Variants in TNFRSF14 observed in about 807,000 individuals in gnomAD.
The protein encoded by TNFRSF14 is TNF receptor superfamily member 14.
A neutral mutation model predicts 34.1 loss-of-function variants in TNFRSF14; 18 were observed. The observed-to-expected ratio is 0.53, with a 90% CI of 0.36 to 0.78. TNFRSF14 has a LOEUF of 0.78. Among genes scored for constraint, TNFRSF14 ranks in the 30% least tolerant of loss-of-function variants. TNFRSF14 has a pLI of 0.00. For synonymous variants in TNFRSF14, 157 were observed against 153.2 expected, an observed-to-expected ratio of 1.02 and a Z score of -0.18; for missense variants, 352 against 379.5, an observed-to-expected ratio of 0.93 and a Z score of 0.60.
In TNFRSF14 at chr1:2,557,782, C is replaced by A; in HGVS notation, c.126C>A (p.Cys42Ter). ...APCYAPALPS[C>*]KEDEYPVGSE... ...GCTACGCCCCAGCTCTGCCGTCCTG[C>A]AAGGAGGACGAGTACCCAGTGGGCT... The change falls in exon 2 of 8, where the codon TGC becomes TGA. Residue 42 changes from cysteine (C) to a stop codon, truncating the protein, a stop_gained. Transcript: ENST00000355716. LOFTEE classifies it high-confidence loss of function. The A allele has an allele frequency of 6.2e-7, 1 of 1,611,964 alleles. No individual in the cohort carries two copies. Among genetic ancestry groups the A allele is most frequent in the Non-Finnish European group, 8.5e-7 (1 of 1,179,148 alleles).
At chr1:2,560,582 C>T (rs2100855712) in intron 4 of TNFRSF14, 42 bp from the exon 5 acceptor site, 2 of 1,528,608 alleles carry the variant, frequency 1.3e-6, no homozygotes, top group Non-Finnish European at 1.8e-6. Flanking sequence ...CCCCTCCTGG[C>T]CTGGTGCCCT....
At chr1:2,557,659 G>A (rs1023272941) in intron 1 of TNFRSF14, 67 bp from the exon 2 acceptor site, 10 of 1,265,302 alleles carry the variant, frequency 7.9e-6, no homozygotes, top group Non-Finnish European at 1.1e-5. Context: ...TCAGGCTGTG[G>A]GGCCAAGCCT....
At chr1:2,560,122 C>T (rs1644286110) in intron 4 of TNFRSF14, 144 bp downstream of exon 4, 7 of 1,286,194 alleles carry the variant, frequency 5.4e-6, no homozygotes, top group Non-Finnish European at 7.3e-6. Context: ...GGCCCACCCA[C>T]TTCAGCCCTG....
chr1:2,562,438 C>A (rs994272424), intron 6 of TNFRSF14: 1 of 273,330 alleles, frequency 3.7e-6, no homozygotes, highest in Non-Finnish European at 7.0e-6. Flanking sequence ...GATCCTCACC[C>A]GGGGCCTCCA....
In TNFRSF14 at chr1:2,560,714, A is replaced by C; in HGVS notation, c.551A>C (p.Lys184Thr). ...GTLEECQHQTKCSWLVTKAGA... is the reference protein window; with the variant it reads ...GTLEECQHQTTCSWLVTKAGA... ...CTGGAGGAATGTCAGCACCAGACCAAGTAAGTGAACCCGGGGGAGGCCCAG... is the reference window on the plus strand; with the variant it reads ...CTGGAGGAATGTCAGCACCAGACCACGTAAGTGAACCCGGGGGAGGCCCAG... The change falls in exon 5 of 8, where the codon AAG becomes ACG. Residue 184 changes from lysine to threonine, a missense_variant and splice_region_variant. Transcript: ENST00000355716. 6.2e-7 allele frequency: 1 copy of C among 1,613,128 alleles called. No homozygotes were observed. Among genetic ancestry groups the C allele is most frequent in the South Asian group, 1.1e-5 (1 of 91,076 alleles).
chr1:2,558,836 G>T, intron 3 of TNFRSF14: 1 of 1,324,652 alleles, frequency 7.5e-7, no homozygotes, highest in Non-Finnish European at 9.8e-7. Flanking sequence ...CCGGCACTCG[G>T]GCCTGCTGCT....
rs765603281 is a variant in TNFRSF14, at chr1:2,556,663, G to A, written c.-2G>A. 4 of 1,609,908 alleles carry A rather than the reference G, an allele frequency of 2.5e-6. No individual in the cohort carries two copies. The highest frequency in any genetic ancestry group is 1.7e-6 in the Non-Finnish European group (2 of 1,178,060). ...CCCGAGCTGCCGGTCTGAGCCTGAG[G>A]CATGGAGCCTCCTGGAGACTGGGGG... On this transcript the variant is annotated 5_prime_UTR_variant, in exon 1 of 8. Transcript: ENST00000355716.
At chr1:2,559,670 C>G in intron 3 of TNFRSF14, 153 bp from the exon 4 acceptor site, 1 of 1,535,336 alleles carries the variant, frequency 6.5e-7, no homozygotes, top group Non-Finnish European at 8.7e-7. Context: ...GTCCTCCATG[C>G]TGGGTACCTC....
chr1:2,557,641 AG>A, intron 1 of TNFRSF14, 84 bp from the exon 2 acceptor site: 1 of 1,028,258 alleles, frequency 9.7e-7, no homozygotes, highest in Non-Finnish European at 1.4e-6. Context: ...CATTGCACAG[AG>A]GGAGATTCAG....
chr1:2,558,835 G>C, intron 3 of TNFRSF14: 1 of 1,320,998 alleles, frequency 7.6e-7, no homozygotes, highest in South Asian at 1.4e-5. Flanking sequence ...GCCGGCACTC[G>C]GGCCTGCTGC....
At position 2,563,790 on chromosome 1, in the gene TNFRSF14, G is replaced by C. The variant is rs1644347296; in HGVS notation, c.*517G>C. On this transcript the variant is annotated 3_prime_UTR_variant, in exon 8 of 8. Transcript: ENST00000355716. Reference sequence around the variant, plus strand: ...TGTCATGAAACAGTGTATTTGGGGAGATGCTGTGGGAGGATGTAAATATCT... The same window carrying C: ...TGTCATGAAACAGTGTATTTGGGGACATGCTGTGGGAGGATGTAAATATCT... 1.3e-5 allele frequency: 3 copies of C among 234,556 alleles called. No homozygotes were observed. Among genetic ancestry groups the C allele is most frequent in the Non-Finnish European group, 2.5e-5 (3 of 118,772 alleles). 14.5% of individuals were successfully genotyped at this position (234,556 alleles called of 1,614,324 possible).
chr1:2,560,058 C>T (rs1336865111), intron 4 of TNFRSF14, 80 bp downstream of exon 4: 12 of 1,453,126 alleles, frequency 8.3e-6, no homozygotes, highest in Middle Eastern at 2.2e-4. Flanking sequence ...CAGGTTTCCT[C>T]GACGGCATGG....
rs2234153 is a variant in TNFRSF14 at position 2,556,444 on chromosome 1, C to T, written c.-221C>T. ...AGGGCCCACCTGTGTCCCCCAGCGC[C>T]GCTCCACCCAGCAGGCCTGAGCCCC... is the stretch of plus-strand genomic sequence containing the variant. On this transcript the variant is annotated 5_prime_UTR_variant, in exon 1 of 8. Transcript: ENST00000355716. The T allele has an allele frequency of 4.7e-3, 3,257 of 699,404 alleles. 62 individuals carry two copies. In the African/African-American group the frequency reaches 0.05, roughly 11 times the overall value. The allele number at this position is 699,404 out of a possible 1,614,324, so 43.3% of individuals were successfully genotyped here. A position where few individuals can be genotyped will look rare whatever the true frequency, so the allele number is the denominator to read the frequency against.
upstream of TNFRSF14, chr1:2,554,440 G>A (rs1015137371): frequency 4.6e-5 from 7 of 152,816 alleles, no homozygotes; most frequent in Admixed American, 3.3e-4. This position sits in a 1 kb window ranked among gnomAD's most constrained non-coding sequence, Gnocchi z 4.2. Context: ...GCAGGCCACA[G>A]AGAAGGGAGA....
At chr1:2,556,910 A>C in intron 1 of TNFRSF14, 177 bp downstream of exon 1, 1 of 616,746 alleles carries the variant, frequency 1.6e-6, no homozygotes, top group South Asian at 2.1e-5. Context: ...GGCTCACCAC[A>C]GTGGGGTGAG....
At chr1:2,559,612 C>T (rs1251712722) in intron 3 of TNFRSF14, 26 of 1,533,890 alleles carry the variant, frequency 1.7e-5, no homozygotes, top group East Asian at 4.9e-5. Context: ...TGCAAGCCCT[C>T]GTCCCACACG....
In TNFRSF14 at chr1:2,562,816, C is replaced by T. The variant is rs777075955; in HGVS notation, c.695-49C>T. On this transcript the variant is annotated intron_variant, in intron 6 of 7. Transcript: ENST00000355716. ...GAGACCATTGCCATGAGCCTGTGTC[C>T]CCTGATCAGACACTGCCCCTCCCTG... The T allele has an allele frequency of 5.6e-6, 9 of 1,613,146 alleles. No homozygotes were observed. The South Asian group carries it at 8.8e-5, about 16-fold the overall frequency.
chr1:2,555,207 T>A (rs1644196262), upstream of TNFRSF14: 1 of 152,250 alleles, frequency 6.6e-6, no homozygotes, highest in African/African-American at 2.4e-5. The surrounding 1 kb of genome is among the most constrained non-coding windows in gnomAD (Gnocchi z 6.3). Context: ...TCGTCCACCC[T>A]GGATGCTGGC....
intron 6 of TNFRSF14, chr1:2,562,583 G>A (rs1644326068): frequency 6.9e-6 from 4 of 582,134 alleles, no homozygotes; most frequent in East Asian, 2.9e-5. Context: ...CATAGATGAC[G>A]GTTGAATTAG....
Sources: gnomAD v4.1 joint callset for allele counts on GRCh38, gnomAD v4.1.1 for gene constraint, Gnocchi (gnomAD v3.1) non-coding constraint, MANE v1.5 for transcripts, NCBI Gene and HGNC (gene_info 2026-07-23, HGNC 2026-07-21) for gene names.